KLF12: variants seen among roughly 807,000 people sequenced by gnomAD.
The protein encoded by KLF12 is KLF transcription factor 12, also known as Krueppel-like factor 12.
Under a neutral mutation model 37.8 loss-of-function variants are expected in KLF12, and 9 were observed. The observed-to-expected ratio is 0.24, with a 90% CI of 0.14 to 0.42. The LOEUF (loss-of-function observed/expected upper bound fraction) is 0.42. Ranked by LOEUF, KLF12 falls within the 10% of genes least tolerant of loss-of-function variation. The pLI, the probability that KLF12 is intolerant of heterozygous loss-of-function variation, is 1.00. For missense variants in KLF12, 411 were observed against 516.0 expected (o/e 0.80, Z 1.97); for synonymous variants, 208 against 202.1 (o/e 1.03, Z -0.25).
At chr13:74,150,761 A>C in the KLF12 span, among the ~76,000 whole-genome samples, 1 of 152,198 alleles carries the variant, frequency 6.6e-6, no homozygotes, top group East Asian at 1.9e-4. Flanking sequence ...CCTGATCACC[A>C]AGATGGCTAC....
chr13:73,997,963 A>G (rs1441433966), intron 1 of KLF12, among the ~76,000 whole-genome samples: 1 of 152,130 alleles, frequency 6.6e-6, no homozygotes, highest in Admixed American at 6.6e-5. Context: ...TAGAGGAGAG[A>G]CTGGAGAAAT....
At chr13:74,178,862 A>C in the KLF12 span, among the ~76,000 whole-genome samples, 2 of 152,124 alleles carry the variant, frequency 1.3e-5, no homozygotes, top group Non-Finnish European at 2.9e-5. Context: ...CTCTGGAAAT[A>C]CTGGAATTCC....
At chr13:74,295,673 A>T in the KLF12 span, among the ~76,000 whole-genome samples, 3 of 152,224 alleles carry the variant, frequency 2.0e-5, no homozygotes, top group Non-Finnish European at 4.4e-5. Flanking sequence ...TAATAGAATC[A>T]ATATATGTAA....
intron 3 of KLF12, among the ~76,000 whole-genome samples, chr13:73,927,068 C>T (rs572138570): frequency 2.8e-4 from 42 of 152,150 alleles, no homozygotes; most frequent in African/African-American, 8.9e-4. Flanking sequence ...AATGTCTTAC[C>T]ACTTAAAATA....
chr13:73,934,127 T>G (rs1041569595), intron 3 of KLF12, among the ~76,000 whole-genome samples: 34 of 152,206 alleles, frequency 2.2e-4, no homozygotes, highest in African/African-American at 7.5e-4. Flanking sequence ...TTGACTTTTC[T>G]TCTTTTAGAT....
At chr13:73,949,888 TGTA>T (rs1157393708) in intron 2 of KLF12, among the ~76,000 whole-genome samples, 1 of 152,228 alleles carries the variant, frequency 6.6e-6, no homozygotes, top group East Asian at 1.9e-4. Context: ...TGTCAATAAC[TGTA>T]TTTTATTAAC....
chr13:73,746,808 T>C lies in KLF12; in HGVS notation c.869+18130A>G, dbSNP rs1041532232. On this transcript the variant is annotated intron_variant, in intron 6 of 7. Transcript: ENST00000377669. ...GTTTAAAGCCATGCCCCTCCCTCCC[T>C]CCTTTTTTTTTTTTTTTTTTTTGAG... Among the ~76,000 whole-genome samples the C allele has an allele frequency of 1.0e-4, 13 of 127,734 alleles. No homozygotes were observed. In the East Asian group the frequency reaches 1.7e-3, roughly 16 times the overall value. The allele number at this position is 127,734 out of a possible 152,430, so 83.8% of individuals were successfully genotyped here. A position where few individuals can be genotyped will look rare whatever the true frequency, so the allele number is the denominator to read the frequency against.
chr13:74,226,010 T>C, the KLF12 span, among the ~76,000 whole-genome samples: 2 of 152,170 alleles, frequency 1.3e-5, no homozygotes, highest in African/African-American at 4.8e-5. Flanking sequence ...ACATTTAAAA[T>C]GCCCTTTCAT....
intron 4 of KLF12, among the ~76,000 whole-genome samples, chr13:73,825,084 T>C (rs960598669): frequency 3.3e-5 from 5 of 150,874 alleles, no homozygotes; most frequent in Non-Finnish European, 5.9e-5. Context: ...AAAAAAACAA[T>C]AGAAATATGC....
chr13:73,900,871 G>A (rs1024235365), intron 3 of KLF12, among the ~76,000 whole-genome samples: 7 of 152,100 alleles, frequency 4.6e-5, no homozygotes, highest in Admixed American at 6.5e-5. Context: ...TTGTGGGCCC[G>A]TCTGCTTTAA....
At chr13:74,184,961 T>C in the KLF12 span, among the ~76,000 whole-genome samples, 3 of 152,234 alleles carry the variant, frequency 2.0e-5, no homozygotes, top group Non-Finnish European at 2.9e-5. Context: ...AGGTTGGCAC[T>C]GACTTTTACA....
intron 1 of KLF12, among the ~76,000 whole-genome samples, chr13:74,091,312 G>A (rs953085628): frequency 2.6e-4 from 39 of 152,082 alleles, no homozygotes; most frequent in Admixed American, 8.5e-4. Flanking sequence ...CTATGACTTG[G>A]CAATGATTTT....
At chr13:74,174,745 T>C in the KLF12 span, among the ~76,000 whole-genome samples, 2 of 152,224 alleles carry the variant, frequency 1.3e-5, no homozygotes, top group Admixed American at 1.3e-4. Flanking sequence ...CAGCACCTCT[T>C]CCATTTACGC....
At chr13:73,992,702 T>C (rs1325713416) in intron 2 of KLF12, among the ~76,000 whole-genome samples, 1 of 152,222 alleles carries the variant, frequency 6.6e-6, no homozygotes, top group Non-Finnish European at 1.5e-5. Context: ...TTTTCAACTA[T>C]GGCAATGCAG....
At chr13:73,976,636 A>G (rs1348152121) in intron 2 of KLF12, among the ~76,000 whole-genome samples, 1 of 152,170 alleles carries the variant, frequency 6.6e-6, no homozygotes, top group Non-Finnish European at 1.5e-5. Context: ...TCTCCTGCTT[A>G]TAATTTTTTA....
intron 1 of KLF12, among the ~76,000 whole-genome samples, chr13:74,081,515 T>C (rs984647255): frequency 1.3e-5 from 2 of 152,182 alleles, no homozygotes; most frequent in African/African-American, 4.8e-5. Flanking sequence ...CCTTTGAAGC[T>C]CATCACATGG....
chr13:74,054,920 T>C (rs1250916683), intron 1 of KLF12, among the ~76,000 whole-genome samples: 1 of 152,222 alleles, frequency 6.6e-6, no homozygotes, highest in Non-Finnish European at 1.5e-5. Context: ...AAAAGTTCAT[T>C]GTATTATACT....
chr13:74,161,811 G>C, the KLF12 span, among the ~76,000 whole-genome samples: 5 of 152,064 alleles, frequency 3.3e-5, no homozygotes, highest in Admixed American at 3.3e-4. Flanking sequence ...TTTTCTTCTT[G>C]AATGCTCCAT....
At chr13:73,703,751 C>G (rs181920548) in intron 7 of KLF12, among the ~76,000 whole-genome samples, 1 of 152,170 alleles carries the variant, frequency 6.6e-6, no homozygotes, top group African/African-American at 2.4e-5. Context: ...CACCCAGTGT[C>G]GTCACCCAGT....
Sources: gnomAD v4.1 joint callset for allele counts (sites outside exome capture counted in the v4.1 genomes callset) on GRCh38, gnomAD v4.1.1 for gene constraint, MANE v1.5 for transcripts, NCBI Gene and HGNC (gene_info 2026-07-23, HGNC 2026-07-21) for gene names.